NDC80: variants seen among roughly 807,000 people sequenced by gnomAD.
NDC80 encodes kinetochore protein NDC80 homolog.
In NDC80, 69 loss-of-function variants were observed where a neutral mutation model predicts 89.3. That is an observed-to-expected ratio of 0.77 (90% CI 0.64 to 0.94). NDC80 has a LOEUF of 0.94. Among genes scored for constraint, NDC80 ranks in the 40% least tolerant of loss-of-function variants. The pLI is 0.00. For missense variants in NDC80, 593 were observed against 739.6 expected, an observed-to-expected ratio of 0.80 and a Z score of 2.30; for synonymous variants, 243 against 255.6, an observed-to-expected ratio of 0.95 and a Z score of 0.47.
intron 16 of NDC80, chr18:2,614,559 G>C (rs1340914817): frequency 2.3e-4 from 1 of 4,282 alleles, no homozygotes; most frequent in Non-Finnish European, 3.6e-4. Flanking sequence ...AAGGAAGGAA[G>C]GAAGGGAAAG....
intron 10 of NDC80, chr18:2,593,921 T>C (rs2072640388): frequency 2.9e-5 from 2 of 68,222 alleles, no homozygotes; most frequent in Non-Finnish European, 4.8e-5. Context: ...TTATTTTATT[T>C]TCCGGGAGTC....
Position 2,606,507 on chromosome 18 carries a change from G to C in NDC80, c.1557G>C (p.Lys519Asn). ...ATGATCTTTACCAACAAAAAATTAA[G>C]GTAAGAACTTTGCCACAGTTTGCGT... Reference protein sequence around the residue: ...KLDDLYQQKIKEAEEEDEKCA... With the variant: ...KLDDLYQQKINEAEEEDEKCA... Residue 519 changes from lysine (K) to asparagine (N), a missense_variant and splice_region_variant, in exon 14 of 17, where the codon AAG becomes AAC. Transcript: ENST00000261597. 6.3e-7 allele frequency: 1 copy of C among 1,591,942 alleles called. No homozygotes were observed. The highest frequency in any genetic ancestry group is 8.6e-7 in the Non-Finnish European group (1 of 1,167,746).
chr18:2,610,617 C>G (rs2072737845), intron 15 of NDC80, 142 bp from the exon 16 acceptor site: 1 of 461,064 alleles, frequency 2.2e-6, no homozygotes, highest in Admixed American at 3.3e-5. Flanking sequence ...AGTGGGACCT[C>G]TACAAATTAT....
At chr18:2,579,947 GTGTGTATA>G (rs894308162) in intron 6 of NDC80, among the ~76,000 whole-genome samples, 122 of 152,184 alleles carry the variant, frequency 8.0e-4, no homozygotes, top group African/African-American at 2.6e-3. Flanking sequence ...ATATAAATGT[GTGTGTATA>G]TGTGTATATG....
At chr18:2,595,276 CATATATATA>C (rs57288154) in intron 10 of NDC80, 131 bp from the exon 11 acceptor site, 56,161 of 193,842 alleles carry the variant, frequency 0.29, 8,880 homozygotes, top group South Asian at 0.41. Flanking sequence ...ACTATAAAAA[CATATATATA>C]ATATATATAA....
chr18:2,616,594 T>C lies in NDC80; in HGVS notation c.*20T>C. 1 of 1,300,994 alleles carries C rather than the reference T, an allele frequency of 7.7e-7. No individual in the cohort carries two copies. The highest frequency in any genetic ancestry group is 1.0e-6 in the Non-Finnish European group (1 of 960,012). The allele number at this position is 1,300,994 out of a possible 1,614,324, so 80.6% of individuals were successfully genotyped here. A position where few individuals can be genotyped will look rare whatever the true frequency, so the allele number is the denominator to read the frequency against. The stretch of plus-strand genomic sequence containing the variant: ...GAATGAAGATAAAATGTTGATCATG[T>C]ATATATATCCATAGTGAATAAAATT... On this transcript the variant is annotated 3_prime_UTR_variant, in exon 17 of 17. Transcript: ENST00000261597.
chr18:2,579,919 G>GA (rs143916113), intron 6 of NDC80, among the ~76,000 whole-genome samples: 2,375 of 152,204 alleles, frequency 0.016, 63 homozygotes, highest in African/African-American at 0.054. Context: ...TTTAGGAGGT[G>GA]AAAAATAGCT....
rs142387148 is a variant in NDC80 at position 2,612,449 on chromosome 18, C to T, written c.1791+1588C>T. ...GATTACAGGCATGTGCCACCATGCC[C>T]GGCCAGTATTTGTATTTTTAGTGGA... On this transcript the variant is annotated intron_variant, in intron 16 of 16. Coordinates refer to ENST00000261597, the MANE Select transcript of NDC80 (RefSeq NM_006101.3). Among the ~76,000 whole-genome samples, 372 of 151,884 alleles carry T rather than the reference C, an allele frequency of 2.4e-3. 5 individuals are homozygous for T. The highest frequency in any genetic ancestry group is 0.022 in the South Asian group (108 of 4,810).
At chr18:2,582,775 C>T (rs968408556) in intron 6 of NDC80, 6 of 152,126 alleles carry the variant, frequency 3.9e-5, no homozygotes, top group African/African-American at 1.4e-4. Flanking sequence ...TCTATTTGTT[C>T]ATTGTTTATT....
chr18:2,579,167 T>A (rs2072563410), intron 6 of NDC80, 138 bp downstream of exon 6: 3 of 451,636 alleles, frequency 6.6e-6, no homozygotes, highest in Middle Eastern at 5.2e-4. Flanking sequence ...CATTTGATTT[T>A]AAGTTTTTCA....
chr18:2,579,861 AC>A (rs1319044052), intron 6 of NDC80, among the ~76,000 whole-genome samples: 2 of 152,250 alleles, frequency 1.3e-5, no homozygotes, highest in Non-Finnish European at 2.9e-5. Flanking sequence ...GTTTGAGCAT[AC>A]CCATTTTTCC....
At chr18:2,605,924 G>A (rs1005741183) in intron 13 of NDC80, among the ~76,000 whole-genome samples, 3 of 151,960 alleles carry the variant, frequency 2.0e-5, no homozygotes, top group African/African-American at 4.8e-5. Flanking sequence ...GCTTTAACAA[G>A]ATTAAATGTG....
chr18:2,598,874 C>T (rs4798003), intron 11 of NDC80, 145 bp from the exon 12 acceptor site: 2 of 685,276 alleles, frequency 2.9e-6, no homozygotes, highest in Non-Finnish European at 2.2e-6. Flanking sequence ...TTTAAAACTG[C>T]TACTCTTACT....
chr18:2,589,599 A>G (rs2072617517), intron 9 of NDC80, among the ~76,000 whole-genome samples: 1 of 152,198 alleles, frequency 6.6e-6, no homozygotes, highest in Admixed American at 6.5e-5. Flanking sequence ...CCTGTGTTAT[A>G]TACCTCTAGG....
chr18:2,579,670 G>A (rs1026008858), intron 6 of NDC80, among the ~76,000 whole-genome samples: 2 of 152,060 alleles, frequency 1.3e-5, no homozygotes, highest in African/African-American at 2.4e-5. Context: ...CAGGTGATCT[G>A]CCCGCCTCAG....
At chr18:2,574,929 A>C (rs2072538677) in intron 2 of NDC80, 60 bp from the exon 3 acceptor site, 3 of 1,089,228 alleles carry the variant, frequency 2.8e-6, no homozygotes, top group Non-Finnish European at 4.0e-6. Context: ...ATATTTCTAA[A>C]AGTTTCTTGA....
chr18:2,595,845 CA>C (rs1598241316), intron 11 of NDC80, among the ~76,000 whole-genome samples: 1 of 152,090 alleles, frequency 6.6e-6, no homozygotes, highest in East Asian at 1.9e-4. Flanking sequence ...AAAAAGTAAA[CA>C]AAAAAGTCTC....
chr18:2,588,416 T>C (rs2072612245), intron 8 of NDC80, among the ~76,000 whole-genome samples: 2 of 152,176 alleles, frequency 1.3e-5, no homozygotes, highest in Non-Finnish European at 2.9e-5. Context: ...GAAAATCTTT[T>C]TTTTTTTTTA....
intron 16 of NDC80, among the ~76,000 whole-genome samples, chr18:2,614,268 C>T (rs1201364891): frequency 1.3e-5 from 2 of 152,138 alleles, no homozygotes; most frequent in Middle Eastern, 3.4e-3. Flanking sequence ...GAAACCCCAT[C>T]TCTACTAAAA....
Sources: gnomAD v4.1 joint callset for allele counts (sites outside exome capture counted in the v4.1 genomes callset) on GRCh38, gnomAD v4.1.1 for gene constraint, MANE v1.5 for transcripts, NCBI Gene and HGNC (gene_info 2026-07-23, HGNC 2026-07-21) for gene names.